The following PAPPA variants were observed in gnomAD, a reference collection of about 807,000 sequenced individuals.
The protein encoded by PAPPA is pappalysin 1, also known as pappalysin-1.
Under a neutral mutation model 164.0 loss-of-function variants are expected in PAPPA, and 60 were observed. The ratio of observed to expected loss-of-function variants is 0.37; its 90% CI spans 0.30 to 0.45. The LOEUF is 0.45. Among genes scored for constraint, PAPPA ranks in the 20% least tolerant of loss-of-function variants. The pLI is 1.00. For synonymous variants in PAPPA, 875 were observed against 814.1 expected, an observed-to-expected ratio of 1.07 and a Z score of -1.27; for missense variants, 1,782 against 2,087.3, an observed-to-expected ratio of 0.85 and a Z score of 2.85.
chr9:116,245,963 T>A (rs1844792325), intron 7 of PAPPA, among the ~76,000 whole-genome samples: 2 of 152,170 alleles, frequency 1.3e-5, no homozygotes, highest in African/African-American at 4.8e-5. Flanking sequence ...TTCAGAATCA[T>A]TAAAAATAAT....
chr9:116,319,023 C>T (rs1845821076), intron 10 of PAPPA, among the ~76,000 whole-genome samples: 1 of 152,214 alleles, frequency 6.6e-6, no homozygotes, highest in Non-Finnish European at 1.5e-5. Context: ...CCGCCTCCCA[C>T]CCCAAAGCCT....
chr9:116,235,717 C>G (rs1844656571), intron 7 of PAPPA, 80 bp downstream of exon 7: 2 of 1,373,380 alleles, frequency 1.5e-6, no homozygotes, highest in South Asian at 1.2e-5. Context: ...GAGGCCTGGA[C>G]AGGGGGAAGG....
intron 7 of PAPPA, among the ~76,000 whole-genome samples, chr9:116,239,177 T>G (rs544691597): frequency 6.6e-6 from 1 of 152,300 alleles, no homozygotes; most frequent in African/African-American, 2.4e-5. Flanking sequence ...AGAGAGAGCC[T>G]TCTGTGCTTA....
At chr9:116,367,299 T>C (rs1474859348) in intron 18 of PAPPA, among the ~76,000 whole-genome samples, 1 of 152,096 alleles carries the variant, frequency 6.6e-6, no homozygotes, top group East Asian at 1.9e-4. Flanking sequence ...AGAGAGGAGA[T>C]TGACCAGACC....
intron 17 of PAPPA, among the ~76,000 whole-genome samples, chr9:116,357,898 G>A (rs1474314768): frequency 6.6e-6 from 1 of 152,156 alleles, no homozygotes; most frequent in Non-Finnish European, 1.5e-5. Context: ...AAAGGGAGCG[G>A]TGGAATCTTC....
At chr9:116,174,644 T>C (rs1199571727) in intron 1 of PAPPA, among the ~76,000 whole-genome samples, 2 of 152,184 alleles carry the variant, frequency 1.3e-5, no homozygotes, top group African/African-American at 4.8e-5. Context: ...AGGTCTACAG[T>C]ACTTTTGTTA....
intron 21 of PAPPA, among the ~76,000 whole-genome samples, chr9:116,384,909 T>C (rs1292503944): frequency 6.6e-6 from 1 of 152,216 alleles, no homozygotes; most frequent in African/African-American, 2.4e-5. Context: ...CTGTTTAAAA[T>C]AATGTTCCTA....
At chr9:116,193,855 C>A (rs973950030) in intron 2 of PAPPA, among the ~76,000 whole-genome samples, 1 of 152,150 alleles carries the variant, frequency 6.6e-6, no homozygotes, top group Non-Finnish European at 1.5e-5. Flanking sequence ...ACCACATAGC[C>A]TATAAGGCTT....
rs114918438 is a variant in PAPPA at position 116,261,726 on chromosome 9, G to A, written c.2733-4131G>A. 4.4e-3 allele frequency among the ~76,000 whole-genome samples: 666 copies of A among 152,058 alleles called. 7 individuals are homozygous for A. Among genetic ancestry groups the A allele is most frequent in the African/African-American group, 0.015 (608 of 41,480 alleles). On this transcript the variant is annotated intron_variant, in intron 7 of 21. Coordinates refer to ENST00000328252, the MANE Select transcript of PAPPA (RefSeq NM_002581.5). ...TTAGTGTAAGTTGTGCTCTAAATTC[G>A]ATACACATTTACCATCAGTATGACT...
chr9:116,190,869 G>A (rs1462768378), intron 2 of PAPPA, among the ~76,000 whole-genome samples: 1 of 152,234 alleles, frequency 6.6e-6, no homozygotes, highest in Non-Finnish European at 1.5e-5. Flanking sequence ...AAAGCTGTAT[G>A]CCCTGGGTGA....
At chr9:116,156,620 A>C (rs1174218031) in intron 1 of PAPPA, among the ~76,000 whole-genome samples, 1 of 151,968 alleles carries the variant, frequency 6.6e-6, no homozygotes, top group Non-Finnish European at 1.5e-5. Context: ...GTCGTGTAGC[A>C]CCAGAAAGCC....
At chr9:116,189,994 G>A (rs1218096952) in intron 2 of PAPPA, among the ~76,000 whole-genome samples, 1 of 152,228 alleles carries the variant, frequency 6.6e-6, no homozygotes, top group Non-Finnish European at 1.5e-5. Context: ...CCCATGTGAG[G>A]AGAAGCCTTG....
At chr9:116,172,752 G>C (rs1843788319) in intron 1 of PAPPA, among the ~76,000 whole-genome samples, 1 of 152,114 alleles carries the variant, frequency 6.6e-6, no homozygotes, top group Admixed American at 6.6e-5. Flanking sequence ...ATACTAACCT[G>C]TCTGGTTACT....
At chr9:116,376,272 G>T (rs1846652540) in intron 19 of PAPPA, among the ~76,000 whole-genome samples, 1 of 152,126 alleles carries the variant, frequency 6.6e-6, no homozygotes, top group Non-Finnish European at 1.5e-5. Context: ...ACCTGCCTCG[G>T]CCTCCCAAAG....
intron 1 of PAPPA, among the ~76,000 whole-genome samples, chr9:116,181,822 G>T (rs1843908898): frequency 6.6e-6 from 1 of 152,256 alleles, no homozygotes; most frequent in African/African-American, 2.4e-5. Context: ...AGCGAAGTGG[G>T]CTGAGCCCAG....
At chr9:116,199,732 A>C (rs1844148959) in intron 2 of PAPPA, among the ~76,000 whole-genome samples, 1 of 152,124 alleles carries the variant, frequency 6.6e-6, no homozygotes, top group Non-Finnish European at 1.5e-5. Flanking sequence ...TTTACAAAGG[A>C]AAGAGATTTA....
At chr9:116,223,631 G>A (rs415978) in intron 5 of PAPPA, among the ~76,000 whole-genome samples, 67,955 of 151,972 alleles carry the variant, frequency 0.45, 15,675 homozygotes, top group East Asian at 0.64. Context: ...TAGCAGCTAC[G>A]TTGACCATAG....
intron 7 of PAPPA, among the ~76,000 whole-genome samples, chr9:116,243,782 A>G (rs1267031165): frequency 2.0e-5 from 3 of 152,174 alleles, no homozygotes; most frequent in African/African-American, 7.2e-5. Flanking sequence ...GGAAGTGTGG[A>G]CATGGCCAAA....
At chr9:116,385,423 G>A (rs1440019638) in intron 21 of PAPPA, among the ~76,000 whole-genome samples, 1 of 151,954 alleles carries the variant, frequency 6.6e-6, no homozygotes, top group Admixed American at 6.6e-5. Flanking sequence ...TGGGATTACA[G>A]GCATGAGCCA....
Sources: gnomAD v4.1 joint callset for allele counts (sites outside exome capture counted in the v4.1 genomes callset) on GRCh38, gnomAD v4.1.1 for gene constraint, MANE v1.5 for transcripts, NCBI Gene and HGNC (gene_info 2026-07-23, HGNC 2026-07-21) for gene names.